The following PIGN variants were observed in gnomAD, a reference collection of about 807,000 sequenced individuals.
PIGN encodes GPI ethanolamine phosphate transferase 1.
PIGN carries 117 observed loss-of-function variants against 125.4 expected under a neutral mutation model. That is an observed-to-expected ratio of 0.93 (90% confidence interval 0.80 to 1.09). The LOEUF is 1.09. Among genes scored for constraint, PIGN ranks in the 50% least tolerant of loss-of-function variants. The pLI is 0.00. For synonymous variants in PIGN, 392 were observed against 377.8 expected, an observed-to-expected ratio of 1.04 and a Z score of -0.44; for missense variants, 1,075 against 1,094.9, an observed-to-expected ratio of 0.98 and a Z score of 0.26.
intron 23 of PIGN, among the ~76,000 whole-genome samples, chr18:62,032,205 G>T (rs1434585658): frequency 6.6e-6 from 1 of 152,146 alleles, no homozygotes; most frequent in Non-Finnish European, 1.5e-5. Context: ...AGATGCTGGG[G>T]GCTAGGATGT....
intron 1 of PIGN, chr18:62,184,711 G>C (rs2037835810): frequency 6.6e-6 from 1 of 152,178 alleles, no homozygotes; most frequent in African/African-American, 2.4e-5. Flanking sequence ...TTAGAACTGA[G>C]ACCCCAAATT....
rs1463497477 is a variant in PIGN, at chr18:62,043,755, A to G, written c.*2101T>C. The stretch of plus-strand genomic sequence containing the variant: ...TTCATGGGCCCTCTAAGATGATAGC[A>G]TGGCCTTTTTTTGGTTCAATATTTT... On this transcript the variant is annotated 3_prime_UTR_variant, in exon 31 of 31. Transcript: ENST00000640252. 1 of 152,126 alleles carries G rather than the reference A, an allele frequency of 6.6e-6. No individual in the cohort carries two copies. The highest frequency in any genetic ancestry group is 2.4e-5 in the African/African-American group (1 of 41,420). 9.4% of individuals were successfully genotyped at this position (152,126 alleles called of 1,614,324 possible).
chr18:62,143,413 T>C, intron 10 of PIGN, 67 bp from the exon 11 acceptor site: 2 of 976,482 alleles, frequency 2.0e-6, no homozygotes. Flanking sequence ...ATTTGATTTT[T>C]AGGAGTGGCC....
intron 22 of PIGN, among the ~76,000 whole-genome samples, chr18:62,096,485 T>A (rs1295651089): frequency 2.0e-5 from 3 of 148,088 alleles, no homozygotes; most frequent in Non-Finnish European, 4.5e-5. Flanking sequence ...CAGATAACTA[T>A]AATAATATTA....
intron 23 of PIGN, among the ~76,000 whole-genome samples, chr18:62,027,352 G>A (rs1011049683): frequency 2.6e-5 from 4 of 152,170 alleles, no homozygotes; most frequent in African/African-American, 7.2e-5. Context: ...TTGAGGACAC[G>A]TGCCCATGAC....
chr18:62,074,697 CA>C, intron 29 of PIGN, 81 bp downstream of exon 29: 2 of 835,232 alleles, frequency 2.4e-6, no homozygotes, highest in Non-Finnish European at 1.9e-6. Flanking sequence ...TTTCACGTAC[CA>C]AAATGCATTC....
chr18:62,112,355 G>A (rs955072172), intron 16 of PIGN, among the ~76,000 whole-genome samples: 1 of 152,036 alleles, frequency 6.6e-6, no homozygotes, highest in Non-Finnish European at 1.5e-5. Flanking sequence ...ACACCACCAG[G>A]ATATATTACT....
chr18:62,052,791 C>A, intron 30 of PIGN: 1 of 211,928 alleles, frequency 4.7e-6, no homozygotes, highest in Non-Finnish European at 9.3e-6. Context: ...CAGTTTCTTC[C>A]TAGCCTTGAT....
chr18:62,105,544 C>G lies in PIGN; in HGVS notation c.1858G>C (p.Val620Leu), dbSNP rs764851350. The G allele has an allele frequency of 2.1e-5, 31 of 1,503,812 alleles. No homozygotes were observed. Among genetic ancestry groups the G allele is most frequent in the Non-Finnish European group, 2.7e-5 (30 of 1,103,302 alleles). The allele number at this position is 1,503,812 out of a possible 1,614,324, so 93.2% of individuals were successfully genotyped here. A position where few individuals can be genotyped will look rare whatever the true frequency, so the allele number is the denominator to read the frequency against. The change falls in exon 20 of 31, where the codon GTG (valine) becomes CTG (leucine). Residue 620 changes from valine (V) to leucine (L), a missense_variant and splice_region_variant. Val to Leu is a conservative substitution (Grantham distance 32, BLOSUM62 1). Around this residue, in one of 3 missense-constraint regions of PIGN, gnomAD observed 915 missense variants for 908.7 expected, o/e 1.01. Transcript: ENST00000640252. ...VVGRKPDISL[V>L]MGAGLLVLLL... ...AATAAAATACAATATTATTCATACA[C>G]TAGAGAGATGTCTGGCTTTCGACCT...
Position 62,090,552 on chromosome 18 carries a change from A to G in PIGN, c.2207T>C (p.Leu736Ser), listed in dbSNP as rs1426830275. Residue 736 changes from leucine (L) to serine (S), a missense_variant, in exon 24 of 31, where the codon TTG (leucine) becomes TCG (serine). Physicochemically the swap from Leu to Ser is moderately radical, Grantham distance 145. Around this residue, in one of 3 missense-constraint regions of PIGN, gnomAD observed 915 missense variants for 908.7 expected, o/e 1.01. Coordinates refer to ENST00000640252, the MANE Select transcript of PIGN (RefSeq NM_176787.5). ...TATCCAGACAAACATCAAACAAGAC[A>G]ACACTAGTGGAAAGAGAGCTTCATA... ...TGYEALFPLV[L>S]SCLMFVWINI... 6.2e-7 allele frequency: 1 copy of G among 1,609,444 alleles called. No homozygotes were observed. Among genetic ancestry groups the G allele is most frequent in the East Asian group, 2.2e-5 (1 of 44,652 alleles).
intron 13 of PIGN, 36 bp downstream of exon 13, chr18:62,138,947 C>T (rs780482931): frequency 2.8e-6 from 3 of 1,063,918 alleles, no homozygotes; most frequent in African/African-American, 1.6e-5. Flanking sequence ...TAGTATTGTC[C>T]ATTTTTGTGC....
At position 62,070,215 on chromosome 18, in the gene PIGN, A is replaced by G. The variant is rs114667411; in HGVS notation, c.2672+2458T>C. On this transcript the variant is annotated intron_variant, in intron 30 of 30. Coordinates refer to ENST00000640252, the MANE Select transcript of PIGN (RefSeq NM_176787.5). ...TCACAGCTCAAAAGTGGCAGAAATG[A>G]GATTCAAACCCAGGCGCTCTGGTTT... 2.8e-3 allele frequency: 1,086 copies of G among 392,142 alleles called. 12 individuals carry two copies. Among genetic ancestry groups the G allele is most frequent in the African/African-American group, 0.02 (954 of 48,572 alleles). The allele number at this position is 392,142 out of a possible 1,614,324, so 24.3% of individuals were successfully genotyped here.
At chr18:62,059,403 C>G (rs999699779) in intron 30 of PIGN, among the ~76,000 whole-genome samples, 1 of 151,924 alleles carries the variant, frequency 6.6e-6, no homozygotes, top group Non-Finnish European at 1.5e-5. Flanking sequence ...AAAGATTAAT[C>G]TTTTATAAGC....
chr18:62,118,865 G>A (rs1197646753), intron 14 of PIGN, among the ~76,000 whole-genome samples: 1 of 149,094 alleles, frequency 6.7e-6, no homozygotes, highest in African/African-American at 2.5e-5. Context: ...GAAAGGCCAA[G>A]TCTTGATGAG....
intron 9 of PIGN, among the ~76,000 whole-genome samples, 197 bp downstream of exon 9, chr18:62,146,774 T>C (rs1281726067): frequency 6.6e-6 from 1 of 152,226 alleles, no homozygotes; most frequent in African/African-American, 2.4e-5. Flanking sequence ...AATGAGAATA[T>C]ATTCGTTTTT....
chr18:62,147,996 G>C (rs947304552), intron 8 of PIGN, among the ~76,000 whole-genome samples: 1 of 151,806 alleles, frequency 6.6e-6, no homozygotes, highest in African/African-American at 2.4e-5. Flanking sequence ...ATATGTACAG[G>C]ATATATTTTA....
At chr18:62,148,483 A>G (rs1415578185) in intron 7 of PIGN, 145 bp from the exon 8 acceptor site, 2 of 483,918 alleles carry the variant, frequency 4.1e-6, no homozygotes, top group East Asian at 9.5e-5. Flanking sequence ...CTACCAACAC[A>G]ACGTCTTTGC....
chr18:62,074,903 C>A, intron 28 of PIGN, 82 bp from the exon 29 acceptor site: 2 of 878,496 alleles, frequency 2.3e-6, no homozygotes, highest in Non-Finnish European at 3.7e-6. Flanking sequence ...TGAGACTAGG[C>A]AAATAACCTA....
At chr18:62,061,192 C>T (rs2032101879) in intron 30 of PIGN, among the ~76,000 whole-genome samples, 2 of 152,148 alleles carry the variant, frequency 1.3e-5, no homozygotes, top group Admixed American at 1.3e-4. Flanking sequence ...GATATACTAT[C>T]TAATGCCCTA....
Sources: allele counts gnomAD v4.1 joint callset (sites outside exome capture counted in the v4.1 genomes callset), GRCh38; gene constraint gnomAD v4.1.1; regional missense constraint gnomAD v4.1.1; transcripts MANE v1.5; gene names NCBI Gene and HGNC (gene_info 2026-07-23, HGNC 2026-07-21).